Variants in ARHGAP40 observed in about 807,000 individuals in gnomAD.
The protein encoded by ARHGAP40 is Rho GTPase activating protein 40.
Under a neutral mutation model 73.5 loss-of-function variants are expected in ARHGAP40, and 43 were observed. That is an observed-to-expected ratio of 0.58 (90% CI 0.46 to 0.75). The LOEUF is 0.75. ARHGAP40 is among the 30% of genes least tolerant of loss of function. ARHGAP40 has a pLI of 0.00. For synonymous variants in ARHGAP40, 300 were observed against 352.8 expected (o/e 0.85, Z 1.68); for missense variants, 734 against 861.8 (o/e 0.85, Z 1.86).
intron 1 of ARHGAP40, among the ~76,000 whole-genome samples, chr20:38,608,817 G>A (rs1450257702): frequency 6.6e-6 from 1 of 152,186 alleles, no homozygotes; most frequent in East Asian, 1.9e-4. Context: ...AAATCAAGGT[G>A]TCGGTAGGAC....
At chr20:38,650,457 A>G in exon 15 of ARHGAP40, 1 of 470,854 alleles carries the variant, frequency 2.1e-6, no homozygotes, top group South Asian at 1.5e-5. Context: ...TCCTTTCAGG[A>G]TGAGGGGCTA....
chr20:38,621,987 G>A (rs2088875972), intron 1 of ARHGAP40, among the ~76,000 whole-genome samples: 1 of 152,100 alleles, frequency 6.6e-6, no homozygotes, highest in African/African-American at 2.4e-5. Context: ...CCTGGGAGGC[G>A]GAGGTTGCCG....
chr20:38,650,242 G>A (rs1004367158), exon 15 of ARHGAP40: 31 of 420,632 alleles, frequency 7.4e-5, no homozygotes, highest in South Asian at 2.4e-4. Flanking sequence ...CACTTGGGGC[G>A]CTTGGATCTC....
intron 2 of ARHGAP40, among the ~76,000 whole-genome samples, chr20:38,625,483 ATC>A (rs1292486109): frequency 6.6e-6 from 1 of 152,080 alleles, no homozygotes; most frequent in African/African-American, 2.4e-5. Context: ...CAGTGGCACA[ATC>A]TCAGCCCACT....
chr20:38,615,601 T>A, intron 1 of ARHGAP40: 3 of 474,824 alleles, frequency 6.3e-6, no homozygotes, highest in Non-Finnish European at 1.2e-5. Flanking sequence ...AGGTCCAATT[T>A]CTATCCTTTA....
intron 3 of ARHGAP40, among the ~76,000 whole-genome samples, chr20:38,628,596 G>A (rs1157655803): frequency 1.3e-5 from 2 of 152,220 alleles, no homozygotes; most frequent in African/African-American, 2.4e-5. Context: ...GAGCCACCAC[G>A]CCCGGCTGGC....
chr20:38,649,669 A>C, intron 14 of ARHGAP40, 88 bp from the exon 15 acceptor site: 2 of 748,540 alleles, frequency 2.7e-6, no homozygotes, highest in Non-Finnish European at 4.1e-6. Context: ...GCCAGGGGAC[A>C]GTGCACTGCC....
intron 6 of ARHGAP40, among the ~76,000 whole-genome samples, chr20:38,636,250 A>T (rs1268771178): frequency 1.3e-5 from 2 of 151,296 alleles, no homozygotes; most frequent in Admixed American, 6.6e-5. Flanking sequence ...TGAAAACATG[A>T]TTTTTATTTA....
chr20:38,646,025 A>G lies in ARHGAP40; in HGVS notation c.1570-22A>G, dbSNP rs1748962309. On this transcript the variant is annotated intron_variant, in intron 11 of 14. Coordinates refer to ENST00000373345, the Ensembl canonical transcript of ARHGAP40. The surrounding 1 kb of genome is among the most constrained non-coding windows in gnomAD (Gnocchi z 4.5). ...CCCCAGAAGTCCTATCCCCCTGCCAAAACTTGATCCTTTCTGGCCAGGTCG... is the reference window on the plus strand; with the variant it reads ...CCCCAGAAGTCCTATCCCCCTGCCAGAACTTGATCCTTTCTGGCCAGGTCG... 1 of 1,289,720 alleles carries G rather than the reference A, an allele frequency of 7.8e-7. No individual in the cohort carries two copies. Among genetic ancestry groups the G allele is most frequent in the Non-Finnish European group, 1.0e-6 (1 of 979,494 alleles). The allele number at this position is 1,289,720 out of a possible 1,614,324, so 79.9% of individuals were successfully genotyped here.
At chr20:38,603,088 A>T (rs757747866) in intron 1 of ARHGAP40, among the ~76,000 whole-genome samples, 24 of 152,224 alleles carry the variant, frequency 1.6e-4, no homozygotes, top group Admixed American at 6.5e-5. Flanking sequence ...CTTGGAACAC[A>T]CCTGCAGCAG....
At chr20:38,629,539 G>A in exon 5 of ARHGAP40, 2 of 1,305,420 alleles carry the variant, frequency 1.5e-6, no homozygotes, top group Non-Finnish European at 2.0e-6. Flanking sequence ...AGGCTGGGAG[G>A]GAAGAAGCCT....
chr20:38,641,693 C>G (rs1221229107), intron 9 of ARHGAP40, 33 bp from the exon 10 acceptor site: 1 of 1,287,734 alleles, frequency 7.8e-7, no homozygotes, highest in East Asian at 6.0e-5. Flanking sequence ...CCCTGAGCCT[C>G]CCATGGAGAC....
chr20:38,602,076 G>GC lies in ARHGAP40; in HGVS notation c.135dup (p.Ser46GlnfsTer52), dbSNP rs764962700. 2 of 1,284,826 alleles carry GC rather than the reference G, an allele frequency of 1.6e-6. No individual in the cohort carries two copies. Among genetic ancestry groups the GC allele is most frequent in the South Asian group, 2.5e-5 (2 of 80,618 alleles). 79.6% of individuals were successfully genotyped at this position (1,284,826 alleles called of 1,614,324 possible). A position where few individuals can be genotyped will look rare whatever the true frequency, so the allele number is the denominator to read the frequency against. ...GCCCAGCGCTGGGCCGACCTGGGCT[G>GC]CAGGTACAGGGGTCACGGGAGCGGG... On this transcript the variant is annotated frameshift_variant, in exon 1 of 15. Coordinates refer to ENST00000373345, the Ensembl canonical transcript of ARHGAP40. LOFTEE classifies it high-confidence loss of function.
intron 1 of ARHGAP40, chr20:38,614,775 A>G: frequency 1.6e-6 from 1 of 624,654 alleles, no homozygotes; most frequent in Admixed American, 2.8e-5. Context: ...CTTCTCCAAC[A>G]ATGTCATGAA....
chr20:38,621,006 T>C (rs2088870709), intron 1 of ARHGAP40, among the ~76,000 whole-genome samples: 1 of 152,162 alleles, frequency 6.6e-6, no homozygotes, highest in Non-Finnish European at 1.5e-5. Flanking sequence ...CTGAACGAAG[T>C]GTGGGCTGCT....
chr20:38,647,160 C>T (rs999501804), intron 13 of ARHGAP40, 34 bp downstream of exon 13: 1 of 1,292,978 alleles, frequency 7.7e-7, no homozygotes, highest in South Asian at 1.3e-5. Flanking sequence ...GGAGCCTCTT[C>T]CCTGCAGGGA....
intron 5 of ARHGAP40, among the ~76,000 whole-genome samples, chr20:38,632,816 A>C (rs1425616921): frequency 6.6e-6 from 1 of 151,642 alleles, no homozygotes; most frequent in East Asian, 2.0e-4. Flanking sequence ...TCTCTACAAA[A>C]ATTTTTTTTA....
chr20:38,627,423 G>A (rs1334789263), intron 3 of ARHGAP40, among the ~76,000 whole-genome samples: 4 of 145,258 alleles, frequency 2.8e-5, no homozygotes, highest in Non-Finnish European at 6.1e-5. Flanking sequence ...TGTTGGGGGT[G>A]TGTGTGTTGT....
intron 1 of ARHGAP40, among the ~76,000 whole-genome samples, chr20:38,614,515 G>A (rs1166445089): frequency 1.3e-5 from 2 of 151,758 alleles, no homozygotes; most frequent in African/African-American, 4.8e-5. Context: ...GATCAAGAAG[G>A]GGGAAAAAAA....
Sources: allele counts gnomAD v4.1 joint callset (sites outside exome capture counted in the v4.1 genomes callset), GRCh38; gene constraint gnomAD v4.1.1; non-coding constraint Gnocchi (gnomAD v3.1); transcripts MANE v1.5; gene names NCBI Gene and HGNC (gene_info 2026-07-23, HGNC 2026-07-21).